Variants in CSMD3 observed in about 807,000 individuals in gnomAD.
CSMD3 encodes CUB and Sushi multiple domains 3, also known as CUB and sushi domain-containing protein 3.
In CSMD3, 177 loss-of-function variants were observed where a neutral mutation model predicts 435.2. The observed-to-expected ratio is 0.41, with a 90% confidence interval of 0.36 to 0.46. The LOEUF is 0.46. Ranked by LOEUF, CSMD3 falls within the 20% of genes least tolerant of loss-of-function variation. CSMD3 has a pLI of 0.34. For synonymous variants in CSMD3, 1,656 were observed against 1,520.5 expected (o/e 1.09, Z -2.07); for missense variants, 4,265 against 4,504.6 (o/e 0.95, Z 1.52).
intron 1 of CSMD3, among the ~76,000 whole-genome samples, chr8:113,383,897 G>A (rs1366962463): frequency 6.6e-6 from 1 of 151,968 alleles, no homozygotes; most frequent in African/African-American, 2.4e-5. Flanking sequence ...TTCTCACTTG[G>A]TCCCTCTGAT....
chr8:112,591,541 G>A (rs1164815625), intron 22 of CSMD3, among the ~76,000 whole-genome samples: 1 of 151,980 alleles, frequency 6.6e-6, no homozygotes, highest in Non-Finnish European at 1.5e-5. Flanking sequence ...AAACTTCATA[G>A]TTACTTTTTT....
chr8:112,539,004 G>A lies in CSMD3; in HGVS notation c.4564+11667C>T, dbSNP rs1432519597. 3.3e-5 allele frequency: 5 copies of A among 153,106 alleles called. 1 individual carries two copies. Among genetic ancestry groups the A allele is most frequent in the Admixed American group, 2.6e-4 (4 of 15,234 alleles). The allele number at this position is 153,106 out of a possible 1,614,324, so 9.5% of individuals were successfully genotyped here. ...TCTCAGATGAACATAGATGCAAAGA[G>A]CCTCAACCAAATACTAGCAAACTGA... On this transcript the variant is annotated intron_variant, in intron 27 of 70. Coordinates refer to ENST00000297405, the MANE Select transcript of CSMD3 (RefSeq NM_198123.2).
chr8:112,392,386 CACTT>C lies in CSMD3; in HGVS notation c.5810-1602_5810-1599del, dbSNP rs142224277. The stretch of plus-strand genomic sequence containing the variant: ...GTGACAATATATTTTTAAAGAAACT[CACTT>C]AGTCGTGTTTTCTTACAAAGCTCTG... On this transcript the variant is annotated intron_variant, in intron 35 of 70. Coordinates refer to ENST00000297405, the MANE Select transcript of CSMD3 (RefSeq NM_198123.2). Among the ~76,000 whole-genome samples the C allele has an allele frequency of 3.3e-3, 488 of 148,144 alleles. 2 individuals carry two copies. The highest frequency in any genetic ancestry group is 6.0e-3 in the Non-Finnish European group (405 of 67,172).
chr8:113,436,484 G>A (rs562945606), intron 1 of CSMD3, among the ~76,000 whole-genome samples, 193 bp downstream of exon 1: 10 of 152,202 alleles, frequency 6.6e-5, no homozygotes, highest in Non-Finnish European at 1.5e-4. Flanking sequence ...CTCAATCACC[G>A]CATTGAACGC....
At chr8:112,865,917 C>A (rs1427321792) in intron 10 of CSMD3, among the ~76,000 whole-genome samples, 5 of 152,094 alleles carry the variant, frequency 3.3e-5, no homozygotes, top group Non-Finnish European at 5.9e-5. Flanking sequence ...TTTTGTTTAT[C>A]ATTTATGTCT....
intron 1 of CSMD3, among the ~76,000 whole-genome samples, chr8:113,366,935 C>T (rs1257653814): frequency 6.6e-6 from 1 of 151,892 alleles, no homozygotes; most frequent in African/African-American, 2.4e-5. Flanking sequence ...TTTAAATATA[C>T]AACAAAATCA....
intron 13 of CSMD3, among the ~76,000 whole-genome samples, chr8:112,767,990 C>T (rs1014313629): frequency 6.6e-6 from 1 of 151,644 alleles, no homozygotes; most frequent in African/African-American, 2.4e-5. Flanking sequence ...TAGATGAATA[C>T]AATCAAATTA....
rs188895616 is a variant in CSMD3, at chr8:112,541,723, G to A, written c.4564+8948C>T. Among the ~76,000 whole-genome samples the A allele has an allele frequency of 2.6e-3, 393 of 151,350 alleles. 3 individuals carry two copies. Among genetic ancestry groups the A allele is most frequent in the African/African-American group, 9.1e-3 (376 of 41,300 alleles). The stretch of plus-strand genomic sequence containing the variant: ...TCTCAAACTCTTCCCACCAACCCCC[G>A]CAAATTGAAACAAAACAAAACAAAA... On this transcript the variant is annotated intron_variant, in intron 27 of 70. Coordinates refer to ENST00000297405, the MANE Select transcript of CSMD3 (RefSeq NM_198123.2).
In CSMD3 at chr8:112,689,870, A is replaced by T. The variant is rs137901389; in HGVS notation, c.2153T>A (p.Ile718Asn). 148 of 1,612,750 alleles carry T rather than the reference A, an allele frequency of 9.2e-5. No homozygotes were observed. In the African/African-American group the frequency reaches 1.9e-3, roughly 20 times the overall value. The change falls in exon 14 of 71, where the codon ATC becomes AAC. Residue 718 changes from isoleucine (I) to asparagine (N), a missense_variant and splice_region_variant. Physicochemically the swap from Ile to Asn is moderately radical, Grantham distance 149 (BLOSUM62 -3). Transcript: ENST00000297405. ...NQWSANIPIC[I>N]FPCLSNFTAP... The stretch of plus-strand genomic sequence containing the variant: ...GAAGCAAAGCATTTGGTACTCACAG[A>T]TACAGATGGGTATGTTTGCAGACCA...
At chr8:113,028,154 A>T (rs1323072067) in intron 5 of CSMD3, among the ~76,000 whole-genome samples, 2 of 152,090 alleles carry the variant, frequency 1.3e-5, no homozygotes, top group African/African-American at 4.8e-5. Flanking sequence ...TTCTCATAAC[A>T]TGTCAAAATT....
Position 112,859,231 on chromosome 8 carries a change from C to T in CSMD3, c.1669G>A (p.Gly557Ser), listed in dbSNP as rs762841424. The change falls in exon 11 of 71, where the codon GGT becomes AGT. Residue 557 changes from glycine (G) to serine (S), a missense_variant. Gly to Ser is a moderately conservative substitution (Grantham distance 56). Around this residue, in one of 3 missense-constraint regions of CSMD3, gnomAD observed 731 missense variants for 755.4 expected, o/e 0.97. Coordinates refer to ENST00000297405, the MANE Select transcript of CSMD3 (RefSeq NM_198123.2). ...GGAAAGTTGGGAGATGTAAAGGTAC[C>T]ACTTGGTCCTTGAAGATTAGAGCCA... ...TCGSNLQGPS[G>S]TFTSPNFPFQ... 6.2e-7 allele frequency: 1 copy of T among 1,610,928 alleles called. No individual in the cohort carries two copies. The highest frequency in any genetic ancestry group is 8.5e-7 in the Non-Finnish European group (1 of 1,177,602).
intron 54 of CSMD3, among the ~76,000 whole-genome samples, chr8:112,295,355 A>G (rs1820160187): frequency 1.3e-5 from 2 of 152,112 alleles, no homozygotes; most frequent in Non-Finnish European, 2.9e-5. Context: ...CCTAATGATA[A>G]TATATTCCCC....
At chr8:113,106,870 C>A (rs1401660499) in intron 4 of CSMD3, among the ~76,000 whole-genome samples, 2 of 103,104 alleles carry the variant, frequency 1.9e-5, no homozygotes, top group East Asian at 4.9e-4. Flanking sequence ...TGTAAAATAG[C>A]TTTATTGAGA....
chr8:113,197,221 A>G (rs2092667419), intron 3 of CSMD3, among the ~76,000 whole-genome samples: 1 of 151,226 alleles, frequency 6.6e-6, no homozygotes, highest in Admixed American at 6.6e-5. Flanking sequence ...GTCTGACTTC[A>G]TGTGATATGT....
intron 66 of CSMD3, among the ~76,000 whole-genome samples, chr8:112,240,660 T>C (rs185457227): frequency 6.6e-5 from 10 of 152,198 alleles, no homozygotes; most frequent in Non-Finnish European, 1.3e-4. Context: ...TTTTAAATAG[T>C]ATCACATAAA....
intron 8 of CSMD3, among the ~76,000 whole-genome samples, chr8:112,948,342 G>C (rs1461738684): frequency 1.3e-5 from 2 of 151,930 alleles, no homozygotes; most frequent in African/African-American, 4.8e-5. Context: ...TTCTTATCTG[G>C]TATATGATAA....
At chr8:113,394,798 T>TA (rs112829876) in intron 1 of CSMD3, among the ~76,000 whole-genome samples, 3,349 of 150,952 alleles carry the variant, frequency 0.022, 108 homozygotes, top group African/African-American at 0.076. Context: ...AAAGAAAATT[T>TA]AAAAAAAAAA....
At chr8:112,396,713 C>A (rs1830890045) in intron 35 of CSMD3, among the ~76,000 whole-genome samples, 1 of 152,048 alleles carries the variant, frequency 6.6e-6, no homozygotes, top group South Asian at 2.1e-4. Flanking sequence ...TTTGATTGAG[C>A]CCAAAACCAA....
At chr8:112,903,395 G>C (rs1296247765) in intron 10 of CSMD3, among the ~76,000 whole-genome samples, 1 of 151,000 alleles carries the variant, frequency 6.6e-6, no homozygotes. Flanking sequence ...TAAAACATTT[G>C]AATAAAATGT....
Sources: gnomAD v4.1 joint callset for allele counts (sites outside exome capture counted in the v4.1 genomes callset) on GRCh38, gnomAD v4.1.1 for gene constraint, gnomAD v4.1.1 regional missense constraint, MANE v1.5 for transcripts, NCBI Gene and HGNC (gene_info 2026-07-23, HGNC 2026-07-21) for gene names.